Variants in PCDHGB2 observed in about 807,000 individuals in gnomAD.
PCDHGB2 encodes protocadherin gamma-B2.
A neutral mutation model predicts 59.3 loss-of-function variants in PCDHGB2; 55 were observed. That is an observed-to-expected ratio of 0.93 (90% CI 0.75 to 1.16). The LOEUF is 1.16. Ranked by LOEUF, PCDHGB2 falls within the 50% of genes most tolerant of loss-of-function variation. PCDHGB2 has a pLI of 0.00. For synonymous variants in PCDHGB2, 516 were observed against 512.0 expected, an observed-to-expected ratio of 1.01 and a Z score of -0.11; for missense variants, 1,228 against 1,198.5, an observed-to-expected ratio of 1.02 and a Z score of -0.36.
intron 1 of PCDHGB2, chr5:141,399,313 A>C: frequency 6.2e-7 from 1 of 1,613,952 alleles, no homozygotes; most frequent in Non-Finnish European, 8.5e-7. Flanking sequence ...TTCATCCAAA[A>C]ATTCGTATAA....
rs1762436189 is a variant in PCDHGB2 at position 141,362,321 on chromosome 5, C to G, written c.2186C>G (p.Pro729Arg). Residue 729 changes from proline to arginine, a missense_variant, in exon 1 of 4, where the codon CCT becomes CGT. By Grantham distance (103) the Pro-to-Arg change is moderately radical. Around this residue, in one of 3 missense-constraint regions of PCDHGB2, gnomAD observed 433 missense variants for 441.8 expected, o/e 0.98. Transcript: ENST00000522605. ...TCAGATGCTTGGGACTGTTTTCAGCCTGGTCTCAGCTCCAAGCCTGGACCT... is the reference window on the plus strand; with the variant it reads ...TCAGATGCTTGGGACTGTTTTCAGCGTGGTCTCAGCTCCAAGCCTGGACCT... ...SRSDAWDCFQ[P>R]GLSSKPGPGV... 2 of 1,614,078 alleles carry G rather than the reference C, an allele frequency of 1.2e-6. No individual in the cohort carries two copies. The highest frequency in any genetic ancestry group is 1.7e-6 in the Non-Finnish European group (2 of 1,179,902).
At position 141,422,526 on chromosome 5, in the gene PCDHGB2, G is replaced by A. The variant is rs956066609; in HGVS notation, c.2421+59970G>A. 9 of 1,613,866 alleles carry A rather than the reference G, an allele frequency of 5.6e-6. No homozygotes were observed. In the African/African-American group the frequency reaches 1.1e-4, roughly 19 times the overall value. The stretch of plus-strand genomic sequence containing the variant: ...CCACAGACCAGGGAAGCCCGCCTTT[G>A]TCTGCAGAAACTCATGTCTGGCTGA... On this transcript the variant is annotated intron_variant, in intron 1 of 3. Coordinates refer to ENST00000522605, the MANE Select transcript of PCDHGB2 (RefSeq NM_018923.3).
chr5:141,490,128 C>T lies in PCDHGB2; in HGVS notation c.2422-4679C>T, dbSNP rs970815408. 1.2e-6 allele frequency: 2 copies of T among 1,614,254 alleles called. No homozygotes were observed. Among genetic ancestry groups the T allele is most frequent in the Non-Finnish European group, 8.5e-7 (1 of 1,180,042 alleles). ...CAGTGCGGAACCTCTTTGGCCTAGA[C>T]CCTAGCAGTGGGGCAATCCATGTGT... On this transcript the variant is annotated intron_variant, in intron 1 of 3. Transcript: ENST00000522605. The surrounding 1 kb of genome is among the most constrained non-coding windows in gnomAD (Gnocchi z 5.4).
At chr5:141,415,750 T>TTTG in intron 1 of PCDHGB2, 2 of 1,313,212 alleles carry the variant, frequency 1.5e-6, no homozygotes, top group African/African-American at 1.6e-5. Context: ...GTTTTTTTTT[T>TTTG]TTTTTTTTTT....
At chr5:141,427,883 C>T (rs2097084423) in intron 1 of PCDHGB2, 2 of 1,563,700 alleles carry the variant, frequency 1.3e-6, no homozygotes, top group African/African-American at 1.3e-5. Context: ...TGCAGGCCCA[C>T]GACCAGGGCT....
chr5:141,498,053 G>A (rs2099781284), intron 2 of PCDHGB2, among the ~76,000 whole-genome samples: 1 of 152,204 alleles, frequency 6.6e-6, no homozygotes, highest in Non-Finnish European at 1.5e-5. Flanking sequence ...AAATAAATGT[G>A]AGACTGAAAC....
At position 141,364,301 on chromosome 5, in the gene PCDHGB2, A is replaced by G. The variant is rs377380787; in HGVS notation, c.2421+1745A>G. ...TAAGGAAACAGCAGGCTGAACCAGAACTAAGAGAAAATTGGGCAGAGAGAA... is the reference window on the plus strand; with the variant it reads ...TAAGGAAACAGCAGGCTGAACCAGAGCTAAGAGAAAATTGGGCAGAGAGAA... On this transcript the variant is annotated intron_variant, in intron 1 of 3. Coordinates refer to ENST00000522605, the MANE Select transcript of PCDHGB2 (RefSeq NM_018923.3). 5 of 1,521,982 alleles carry G rather than the reference A, an allele frequency of 3.3e-6. No homozygotes were observed. In the African/African-American group the frequency reaches 5.6e-5, roughly 17 times the overall value. The allele number at this position is 1,521,982 out of a possible 1,614,324, so 94.3% of individuals were successfully genotyped here. A position where few individuals can be genotyped will look rare whatever the true frequency, so the allele number is the denominator to read the frequency against.
intron 1 of PCDHGB2, chr5:141,385,017 C>T: frequency 6.2e-7 from 1 of 1,614,188 alleles, no homozygotes; most frequent in Non-Finnish European, 8.5e-7. Context: ...TCTTCCTAGC[C>T]TTCGTCCTCG....
At position 141,389,566 on chromosome 5, in the gene PCDHGB2, T is replaced by A. The variant is rs757362223; in HGVS notation, c.2421+27010T>A. On this transcript the variant is annotated intron_variant, in intron 1 of 3. Transcript: ENST00000522605. ...CGCAACGACAATGCGCCACGGGTGC[T>A]GTACCCCGCGCTGGGTCCCGACGGC... The A allele has an allele frequency of 3.2e-5, 52 of 1,613,278 alleles. No homozygotes were observed. The Middle Eastern group carries it at 6.6e-4, about 21-fold the overall frequency.
intron 1 of PCDHGB2, among the ~76,000 whole-genome samples, chr5:141,444,771 T>C (rs987549188): frequency 6.6e-6 from 1 of 152,246 alleles, no homozygotes; most frequent in African/African-American, 2.4e-5. Context: ...TTCTATATTC[T>C]TGATCATGTT....
intron 2 of PCDHGB2, among the ~76,000 whole-genome samples, chr5:141,502,956 G>A (rs986743949): frequency 1.3e-5 from 2 of 148,846 alleles, no homozygotes; most frequent in African/African-American, 5.0e-5. Context: ...CGATTCTCCT[G>A]CCTCAGCCTC....
chr5:141,431,726 G>C lies in PCDHGB2; in HGVS notation c.2422-63081G>C. On this transcript the variant is annotated intron_variant, in intron 1 of 3. Coordinates refer to ENST00000522605, the MANE Select transcript of PCDHGB2 (RefSeq NM_018923.3). The surrounding 1 kb of genome is among the most constrained non-coding windows in gnomAD (Gnocchi z 4.8). ...CTACCAGATGGAAGTGCAAGCAATG[G>C]ATAATGCAGGATATTCTGCGCGAGC... The C allele has an allele frequency of 6.2e-7, 1 of 1,614,204 alleles. No homozygotes were observed. Among genetic ancestry groups the C allele is most frequent in the Non-Finnish European group, 8.5e-7 (1 of 1,180,032 alleles).
chr5:141,463,938 T>A (rs1378018670), intron 1 of PCDHGB2, among the ~76,000 whole-genome samples: 3 of 152,168 alleles, frequency 2.0e-5, no homozygotes, highest in Non-Finnish European at 4.4e-5. Context: ...TATAAATTTA[T>A]AGAAATCTTC....
In PCDHGB2 at chr5:141,501,176, T is replaced by C. The variant is rs917315609; in HGVS notation, c.2481-4217T>C. ...GCCACCATCCCCAGCCTCATTTACA[T>C]TTTAACACAATTAAATTCAGGGTGT... On this transcript the variant is annotated intron_variant, in intron 2 of 3. Coordinates refer to ENST00000522605, the MANE Select transcript of PCDHGB2 (RefSeq NM_018923.3). Among the ~76,000 whole-genome samples, 16 of 152,244 alleles carry C rather than the reference T, an allele frequency of 1.1e-4. No homozygotes were observed. In the South Asian group the frequency reaches 3.3e-3, roughly 32 times the overall value.
At chr5:141,426,680 T>TC in intron 1 of PCDHGB2, 1 of 431,452 alleles carries the variant, frequency 2.3e-6, no homozygotes, top group South Asian at 1.6e-5. Context: ...CACCTCATTT[T>TC]CCCCAAAATA....
At position 141,360,515 on chromosome 5, in the gene PCDHGB2, A is replaced by C. The variant is rs761181928; in HGVS notation, c.380A>C (p.Asn127Thr). The C allele has an allele frequency of 1.9e-6, 3 of 1,613,898 alleles. No homozygotes were observed. The East Asian group carries it at 6.7e-5, about 36-fold the overall frequency. ...FYIAVIVQDI[N>T]DNTPLFKQTK... ...ATAGCAGTAATTGTGCAGGATATAAATGATAATACCCCGCTATTCAAACAG... is the reference window on the plus strand; with the variant it reads ...ATAGCAGTAATTGTGCAGGATATAACTGATAATACCCCGCTATTCAAACAG... Residue 127 changes from asparagine to threonine, a missense_variant, in exon 1 of 4, where the codon AAT becomes ACT. By Grantham distance (65) the Asn-to-Thr change is moderately conservative. Coordinates refer to ENST00000522605, the MANE Select transcript of PCDHGB2 (RefSeq NM_018923.3).
In PCDHGB2 at chr5:141,494,850, G is replaced by C. The variant is rs2099757124; in HGVS notation, c.2465G>C (p.Arg822Thr). 1.2e-6 allele frequency: 2 copies of C among 1,614,124 alleles called. No individual in the cohort carries two copies. The highest frequency in any genetic ancestry group is 1.7e-6 in the Non-Finnish European group (2 of 1,180,018). Reference protein sequence around the residue: ...NTDWRFSQAQRPGTSGSQNGD... With the variant: ...NTDWRFSQAQTPGTSGSQNGD... ...GACTGGCGTTTCTCTCAGGCCCAGA[G>C]ACCCGGCACCAGCGGGTAGGTGACT... is the stretch of plus-strand genomic sequence containing the variant. The change falls in exon 2 of 4, where the codon AGA becomes ACA. Residue 822 changes from arginine to threonine, a missense_variant. Physicochemically the swap from Arg to Thr is moderately conservative, Grantham distance 71. This residue lies in a region of PCDHGB2 where 433 missense variants were observed against 441.8 expected (regional missense o/e 0.98). Transcript: ENST00000522605.
chr5:141,457,336 C>T (rs1032184011), intron 1 of PCDHGB2, among the ~76,000 whole-genome samples: 6 of 152,158 alleles, frequency 3.9e-5, no homozygotes, highest in Admixed American at 3.3e-4. Context: ...AGGTACCTTA[C>T]TTACTTTCAT....
chr5:141,468,763 G>A (rs1341363934), intron 1 of PCDHGB2, among the ~76,000 whole-genome samples: 1 of 152,078 alleles, frequency 6.6e-6, no homozygotes, highest in Non-Finnish European at 1.5e-5. Flanking sequence ...CTACTCGGGA[G>A]GCTGAGGCAG....
Sources: gnomAD v4.1 joint callset for allele counts (sites outside exome capture counted in the v4.1 genomes callset) on GRCh38, gnomAD v4.1.1 for gene constraint, gnomAD v4.1.1 regional missense constraint, Gnocchi (gnomAD v3.1) non-coding constraint, MANE v1.5 for transcripts, NCBI Gene and HGNC (gene_info 2026-07-23, HGNC 2026-07-21) for gene names.